SLC35H1: variants seen among roughly 807,000 people sequenced by gnomAD.
SLC35H1 encodes the protein solute carrier family 35 member H1.
the SLC35H1 span, chr20:46,358,825 G>C: frequency 9.1e-7 from 1 of 1,104,474 alleles, no homozygotes; most frequent in Admixed American, 2.0e-5. Flanking sequence ...CGTAGCCATG[G>C]GTGCCTCTGA....
chr20:46,353,890 C>T, the SLC35H1 span, among the ~76,000 whole-genome samples: 1 of 152,002 alleles, frequency 6.6e-6, no homozygotes, highest in Non-Finnish European at 1.5e-5. Flanking sequence ...ACAGAAGTTT[C>T]CTGGACAACG....
the SLC35H1 span, chr20:46,350,359 G>T: frequency 6.4e-7 from 1 of 1,569,492 alleles, no homozygotes; most frequent in South Asian, 1.2e-5. Flanking sequence ...GCAGGCTGGG[G>T]AGTGGCCTGC....
chr20:46,350,618 C>T, the SLC35H1 span: 2 of 1,514,880 alleles, frequency 1.3e-6, no homozygotes, highest in Non-Finnish European at 1.8e-6. Context: ...AGGCCCCACC[C>T]ACCCACTCTG....
the SLC35H1 span, chr20:46,357,587 C>A: frequency 6.3e-7 from 1 of 1,599,872 alleles, no homozygotes; most frequent in Non-Finnish European, 8.5e-7. Context: ...CCCAGCCCCT[C>A]TTCCTGCTCT....
the SLC35H1 span, chr20:46,355,867 T>C: frequency 6.2e-7 from 1 of 1,613,944 alleles, no homozygotes; most frequent in Non-Finnish European, 8.5e-7. The surrounding 1 kb of genome is among the most constrained non-coding windows in gnomAD (Gnocchi z 4.8). Flanking sequence ...GATTTGGTCA[T>C]TGTGTACCTG....
chr20:46,352,027 C>T, the SLC35H1 span: 1 of 1,612,070 alleles, frequency 6.2e-7, no homozygotes, highest in Non-Finnish European at 8.5e-7. Flanking sequence ...TAAGACAGGA[C>T]TGGCATCACG....
the SLC35H1 span, among the ~76,000 whole-genome samples, chr20:46,360,306 C>T: frequency 1.3e-5 from 2 of 152,062 alleles, no homozygotes; most frequent in African/African-American, 4.8e-5. Context: ...CCAAAAGTGT[C>T]CATTCTGGAA....
chr20:46,359,410 C>A, the SLC35H1 span, among the ~76,000 whole-genome samples: 3 of 152,180 alleles, frequency 2.0e-5, no homozygotes, highest in Non-Finnish European at 4.4e-5. Flanking sequence ...ACCAGTAAGA[C>A]CACACTGGCC....
the SLC35H1 span, among the ~76,000 whole-genome samples, chr20:46,360,223 C>G: frequency 1.3e-5 from 2 of 152,326 alleles, no homozygotes; most frequent in Non-Finnish European, 2.9e-5. Context: ...TGTGAACTAA[C>G]ACTTCCAAGA....
chr20:46,354,303 T>C, the SLC35H1 span, among the ~76,000 whole-genome samples: 1 of 152,128 alleles, frequency 6.6e-6, no homozygotes, highest in African/African-American at 2.4e-5. Context: ...TATTCCTACT[T>C]CCGAGATGCC....
At chr20:46,353,618 C>T in the SLC35H1 span, among the ~76,000 whole-genome samples, 2 of 152,140 alleles carry the variant, frequency 1.3e-5, no homozygotes, top group Admixed American at 6.5e-5. Flanking sequence ...GCAAAGGCGT[C>T]GGCAAATTGA....
At chr20:46,353,446 G>A in the SLC35H1 span, among the ~76,000 whole-genome samples, 14 of 152,152 alleles carry the variant, frequency 9.2e-5, no homozygotes, top group Admixed American at 8.5e-4. Context: ...GTGAAGGGGG[G>A]CCCAGAACTG....
chr20:46,361,618 T>A, the SLC35H1 span, among the ~76,000 whole-genome samples: 2 of 152,210 alleles, frequency 1.3e-5, no homozygotes, highest in African/African-American at 4.8e-5. Flanking sequence ...ATCCTCTACA[T>A]GGCAGGATGT....
chr20:46,347,478 G>A, the SLC35H1 span: 33 of 152,334 alleles, frequency 2.2e-4, no homozygotes, highest in African/African-American at 6.7e-4. Flanking sequence ...GAATGTCTCT[G>A]TCCCCAAGTC....
the SLC35H1 span, chr20:46,350,800 T>C: frequency 6.2e-7 from 1 of 1,614,040 alleles, no homozygotes; most frequent in East Asian, 2.2e-5. Flanking sequence ...TGGAGGGATA[T>C]TCCCGAGAGG....
chr20:46,350,554 G>A, the SLC35H1 span: 6 of 1,557,842 alleles, frequency 3.9e-6, no homozygotes, highest in Non-Finnish European at 5.2e-6. Context: ...ACAGTTACAG[G>A]CCCAGTCGTG....
the SLC35H1 span, among the ~76,000 whole-genome samples, chr20:46,356,804 G>GC: frequency 5.3e-5 from 8 of 152,306 alleles, no homozygotes; most frequent in Admixed American, 1.3e-4. Flanking sequence ...TTAATATCTG[G>GC]CCCCCAAAGG....
chr20:46,359,075 C>T, the SLC35H1 span: 45 of 374,450 alleles, frequency 1.2e-4, no homozygotes, highest in African/African-American at 8.5e-4. Context: ...TCATCTGGCC[C>T]TGCTGGTCTT....
chr20:46,357,673 G>A, the SLC35H1 span: 2 of 1,614,148 alleles, frequency 1.2e-6, no homozygotes, highest in East Asian at 4.5e-5. Flanking sequence ...CACCACACGG[G>A]CCCTGTGGCT....
Sources: gnomAD v4.1 joint callset for allele counts (sites outside exome capture counted in the v4.1 genomes callset) on GRCh38, gnomAD v4.1.1 for gene constraint, Gnocchi (gnomAD v3.1) non-coding constraint, MANE v1.5 for transcripts, NCBI Gene and HGNC (gene_info 2026-07-23, HGNC 2026-07-21) for gene names.